The following TP53INP1 variants were observed in gnomAD, a reference collection of about 807,000 sequenced individuals.
TP53INP1 encodes tumor protein p53-inducible nuclear protein 1.
In TP53INP1, 12 loss-of-function variants were observed where a neutral mutation model predicts 21.0. The observed-to-expected ratio is 0.57, with a 90% confidence interval of 0.37 to 0.93. The LOEUF (loss-of-function observed/expected upper bound fraction) is 0.93, where lower values mean the gene tolerates loss of function less well. Among genes scored for constraint, TP53INP1 ranks in the 40% least tolerant of loss-of-function variants. TP53INP1 has a pLI of 0.01. For missense variants in TP53INP1, 274 were observed against 294.7 expected, an observed-to-expected ratio of 0.93 and a Z score of 0.51; for synonymous variants, 91 against 94.8, an observed-to-expected ratio of 0.96 and a Z score of 0.23.
chr8:94,931,809 T>TA (rs1351716498), intron 3 of TP53INP1, among the ~76,000 whole-genome samples: 1 of 151,960 alleles, frequency 6.6e-6, no homozygotes, highest in Non-Finnish European at 1.5e-5. Context: ...CCATCTCTAC[T>TA]AAAAATACAA....
intron 3 of TP53INP1, among the ~76,000 whole-genome samples, chr8:94,934,038 T>C (rs1039526428): frequency 5.9e-5 from 9 of 151,432 alleles, no homozygotes; most frequent in African/African-American, 1.7e-4. Context: ...GATTGCAACA[T>C]TGTACTCCAG....
intron 1 of TP53INP1, among the ~76,000 whole-genome samples, chr8:94,943,701 C>T (rs1821755457): frequency 6.6e-6 from 1 of 152,194 alleles, no homozygotes; most frequent in Admixed American, 6.6e-5. Flanking sequence ...TGAACTGCTA[C>T]AGTTGTTTGG....
chr8:94,930,510 T>C lies in TP53INP1; in HGVS notation c.692A>G (p.His231Arg), dbSNP rs1017860192. 6 of 1,614,142 alleles carry C rather than the reference T, an allele frequency of 3.7e-6. No homozygotes were observed. In the African/African-American group the frequency reaches 5.3e-5, roughly 14 times the overall value. Reference sequence around the variant, plus strand: ...ATTGTACTGACGCGGGCAGGGCTGATGAACAACCCAGCCATTGTGCTTGAC... The same window carrying C: ...ATTGTACTGACGCGGGCAGGGCTGACGAACAACCCAGCCATTGTGCTTGAC... ...RQVKHNGWVVHQPCPRQYNY is the reference protein window; with the variant it reads ...RQVKHNGWVVRQPCPRQYNY Residue 231 changes from histidine (H) to arginine (R), a missense_variant, in exon 4 of 4, where the codon CAT (histidine) becomes CGT (arginine). By Grantham distance (29) the His-to-Arg change is conservative (BLOSUM62 0). Transcript: ENST00000342697.
In TP53INP1 at chr8:94,940,954, AC is replaced by A. The variant is rs1821472668; in HGVS notation, c.-14del. On this transcript the variant is annotated 5_prime_UTR_variant, in exon 2 of 4. Transcript: ENST00000342697. ...GCCTCTGGAACATTGTTAAGGCAAG[AC>A]TGAGAGTTTGGCTGGATGTCTTTTA... 1 of 1,601,914 alleles carries A rather than the reference AC, an allele frequency of 6.2e-7. No homozygotes were observed. Among genetic ancestry groups the A allele is most frequent in the Non-Finnish European group, 8.5e-7 (1 of 1,171,312 alleles).
chr8:94,948,288 G>A (rs1365236163), intron 1 of TP53INP1, among the ~76,000 whole-genome samples: 2 of 152,156 alleles, frequency 1.3e-5, no homozygotes, highest in African/African-American at 4.8e-5. Flanking sequence ...ATCTCTCTGT[G>A]CCTCGGGTTT....
Position 94,940,097 on chromosome 8 carries a change from G to GT in TP53INP1, c.235dup (p.Thr79AsnfsTer3). On this transcript the variant is annotated frameshift_variant, in exon 3 of 4. Coordinates refer to ENST00000342697, the MANE Select transcript of TP53INP1 (RefSeq NM_033285.4). LOFTEE classifies it high-confidence loss of function. ...AAACTGGAGAAAGCAGGAATCACTT[G>GT]TATCAGCCAAGCACTCAAGAGATGC... 1 of 1,614,194 alleles carries GT rather than the reference G, an allele frequency of 6.2e-7. No individual in the cohort carries two copies. Among genetic ancestry groups the GT allele is most frequent in the Non-Finnish European group, 8.5e-7 (1 of 1,180,032 alleles).
intron 1 of TP53INP1, among the ~76,000 whole-genome samples, chr8:94,946,252 GA>G (rs1190177509): frequency 1.3e-5 from 2 of 152,130 alleles, no homozygotes; most frequent in Admixed American, 1.3e-4. Context: ...TGTAGGCAGA[GA>G]AAGGTGGCTG....
At chr8:94,934,478 C>T (rs1342358703) in intron 3 of TP53INP1, among the ~76,000 whole-genome samples, 4 of 151,876 alleles carry the variant, frequency 2.6e-5, no homozygotes, top group African/African-American at 9.7e-5. Flanking sequence ...CTCTGCCTCC[C>T]GGGTTCAAGC....
At position 94,940,214 on chromosome 8, in the gene TP53INP1, C is replaced by A; in HGVS notation, c.119G>T (p.Cys40Phe). Reference sequence around the variant, plus strand: ...TTCTTCTTCTGCTGAGAAACCAGTGCAAGTATCTAGATCGTAGTCCACATT... The same window carrying A: ...TTCTTCTTCTGCTGAGAAACCAGTGAAAGTATCTAGATCGTAGTCCACATT... ...EWILVDFIDT[C>F]TGFSAEEEEE... Residue 40 changes from cysteine (C) to phenylalanine (F), a missense_variant, in exon 3 of 4, where the codon TGC becomes TTC. Physicochemically the swap from Cys to Phe is radical, Grantham distance 205. Coordinates refer to ENST00000342697, the MANE Select transcript of TP53INP1 (RefSeq NM_033285.4). The A allele has an allele frequency of 6.2e-7, 1 of 1,607,702 alleles. No homozygotes were observed. The highest frequency in any genetic ancestry group is 8.5e-7 in the Non-Finnish European group (1 of 1,176,348).
intron 3 of TP53INP1, among the ~76,000 whole-genome samples, chr8:94,933,004 G>C (rs2131324501): frequency 6.6e-6 from 1 of 152,256 alleles, no homozygotes; most frequent in African/African-American, 2.4e-5. Context: ...ATCACTTGAG[G>C]TCAGGAGTTT....
chr8:94,939,807 C>A (rs1263890913), intron 3 of TP53INP1, 53 bp downstream of exon 3: 1 of 1,567,700 alleles, frequency 6.4e-7, no homozygotes, highest in Non-Finnish European at 8.6e-7. Context: ...ACAGTAGAGA[C>A]AAAATGCATG....
chr8:94,939,472 A>G (rs375351278), intron 3 of TP53INP1, among the ~76,000 whole-genome samples: 3 of 152,274 alleles, frequency 2.0e-5, no homozygotes, highest in South Asian at 2.1e-4. Context: ...TCTTGACTCA[A>G]TGCAACCTCT....
intron 3 of TP53INP1, among the ~76,000 whole-genome samples, chr8:94,934,589 C>G (rs1820780942): frequency 6.6e-6 from 1 of 152,012 alleles, no homozygotes. Context: ...GCCATGTTGT[C>G]CAGGCTGGTC....
chr8:94,940,271 A>G (rs1406576756), intron 2 of TP53INP1, 51 bp from the exon 3 acceptor site: 1 of 1,534,610 alleles, frequency 6.5e-7, no homozygotes, highest in Non-Finnish European at 8.8e-7. Context: ...AGAGTCCCAC[A>G]GGAGGATGAT....
rs775581704 is a variant in TP53INP1, at chr8:94,926,028, G to A, written c.*4451C>T. 62 of 152,708 alleles carry A rather than the reference G, an allele frequency of 4.1e-4. No homozygotes were observed. The highest frequency in any genetic ancestry group is 2.8e-4 in the Non-Finnish European group (19 of 68,022). 9.5% of individuals were successfully genotyped at this position (152,708 alleles called of 1,614,324 possible). A position where few individuals can be genotyped will look rare whatever the true frequency, so the allele number is the denominator to read the frequency against. ...ATTGAAAACTGTAACTCCAGGTAGT[G>A]CAAAATGCACCACAACCCAATTACA... On this transcript the variant is annotated 3_prime_UTR_variant, in exon 4 of 4. Transcript: ENST00000342697.
chr8:94,935,124 T>C (rs200712881), intron 3 of TP53INP1, among the ~76,000 whole-genome samples: 1 of 115,314 alleles, frequency 8.7e-6, no homozygotes, highest in African/African-American at 3.4e-5. Flanking sequence ...CATAGGTAGA[T>C]AGATATAGAT....
intron 3 of TP53INP1, among the ~76,000 whole-genome samples, chr8:94,938,475 G>C (rs1821206115): frequency 6.6e-6 from 1 of 152,226 alleles, no homozygotes; most frequent in South Asian, 2.1e-4. Flanking sequence ...ACTGGTGGTT[G>C]GCAGCAACTA....
intron 3 of TP53INP1, among the ~76,000 whole-genome samples, chr8:94,931,623 A>G (rs1258411853): frequency 8.5e-6 from 1 of 117,088 alleles, no homozygotes; most frequent in Non-Finnish European, 2.0e-5. Flanking sequence ...AAATTTTTTT[A>G]AAGTAGAATT....
At chr8:94,937,835 G>A (rs1821142209) in intron 3 of TP53INP1, among the ~76,000 whole-genome samples, 1 of 151,996 alleles carries the variant, frequency 6.6e-6, no homozygotes, top group Non-Finnish European at 1.5e-5. Flanking sequence ...CAGCTGTATT[G>A]TCTGGTGGTA....
Sources: gnomAD v4.1 joint callset for allele counts (sites outside exome capture counted in the v4.1 genomes callset) on GRCh38, gnomAD v4.1.1 for gene constraint, MANE v1.5 for transcripts, NCBI Gene and HGNC (gene_info 2026-07-23, HGNC 2026-07-21) for gene names.